The following RFLNA variants were observed in gnomAD, a reference collection of about 807,000 sequenced individuals.
The protein encoded by RFLNA is refilin-A.
A neutral mutation model predicts 7.8 loss-of-function variants in RFLNA; 5 were observed. That is an observed-to-expected ratio of 0.64 (90% CI 0.34 to 1.35). RFLNA has a LOEUF of 1.35. Among genes scored for constraint, RFLNA ranks in the 40% most tolerant of loss-of-function variants. The pLI, the probability that RFLNA is intolerant of heterozygous loss-of-function variation, is 0.04. For synonymous variants in RFLNA, 141 were observed against 131.3 expected (o/e 1.07, Z -0.50); for missense variants, 278 against 305.5 (o/e 0.91, Z 0.67).
chr12:124,309,813 C>T (rs371641281), intron 1 of RFLNA, among the ~76,000 whole-genome samples: 35 of 152,268 alleles, frequency 2.3e-4, no homozygotes, highest in East Asian at 7.7e-4. Flanking sequence ...GTGTTCCCAA[C>T]GGGTTGGCGG....
intron 1 of RFLNA, 184 bp from the exon 2 acceptor site, chr12:124,311,634 T>C: frequency 3.9e-6 from 2 of 514,260 alleles, no homozygotes; most frequent in Non-Finnish European, 3.4e-6. Flanking sequence ...CTGGATCCCA[T>C]GGAGGGCGTC....
At chr12:124,304,657 C>G (rs1265152518) in intron 1 of RFLNA, among the ~76,000 whole-genome samples, 3 of 152,216 alleles carry the variant, frequency 2.0e-5, no homozygotes, top group Non-Finnish European at 4.4e-5. Context: ...CCTCCCTGCT[C>G]GATGGGTGAG....
upstream of RFLNA, among the ~76,000 whole-genome samples, chr12:124,290,403 T>C (rs1357919880): frequency 1.3e-5 from 2 of 152,214 alleles, no homozygotes; most frequent in African/African-American, 4.8e-5. This position sits in a 1 kb window ranked among gnomAD's most constrained non-coding sequence, Gnocchi z 4.0. Context: ...TGTGTTTACC[T>C]GTGTATATGT....
chr12:124,310,051 T>C (rs1308534524), intron 1 of RFLNA, among the ~76,000 whole-genome samples: 2 of 151,272 alleles, frequency 1.3e-5, no homozygotes, highest in African/African-American at 4.9e-5. Context: ...CATGCACCTG[T>C]AGTGCCAGCT....
chr12:124,305,583 C>T (rs992457591), intron 1 of RFLNA, among the ~76,000 whole-genome samples: 3 of 152,216 alleles, frequency 2.0e-5, no homozygotes, highest in Non-Finnish European at 2.9e-5. Flanking sequence ...CATTCCTGTG[C>T]CTGTTCTGGC....
intron 1 of RFLNA, among the ~76,000 whole-genome samples, chr12:124,307,826 C>G (rs2034162861): frequency 6.6e-6 from 1 of 152,160 alleles, no homozygotes; most frequent in African/African-American, 2.4e-5. Context: ...GGCCAGAGTT[C>G]CAATCGAGGT....
chr12:124,295,528 C>T lies in RFLNA; in HGVS notation c.99C>T (p.Ser33=). 7.9e-7 allele frequency: 1 copy of T among 1,261,598 alleles called. No homozygotes were observed. Among genetic ancestry groups the T allele is most frequent in the Non-Finnish European group, 1.0e-6 (1 of 1,004,674 alleles). The allele number at this position is 1,261,598 out of a possible 1,614,324, so 78.2% of individuals were successfully genotyped here. The change falls in exon 1 of 3, where the codon AGC becomes AGT. Residue 33 remains serine (S), a synonymous_variant. Transcript: ENST00000546355. The part of the protein sequence containing the change: ...LDSPDSGLPP[S]PSPSPPFYSL... Reference sequence around the variant, plus strand: ...GCCCCGACTCCGGGCTGCCCCCCAGCCCCAGCCCCAGCCCGCCCTTCTACT... The same window carrying T: ...GCCCCGACTCCGGGCTGCCCCCCAGTCCCAGCCCCAGCCCGCCCTTCTACT...
intron 1 of RFLNA, among the ~76,000 whole-genome samples, chr12:124,303,596 A>G (rs1434323796): frequency 6.6e-6 from 1 of 152,150 alleles, no homozygotes; most frequent in Non-Finnish European, 1.5e-5. Context: ...GTGCCCGAGA[A>G]GCACTTGTTC....
chr12:124,304,153 G>A (rs1222861817), intron 1 of RFLNA, among the ~76,000 whole-genome samples: 2 of 152,244 alleles, frequency 1.3e-5, no homozygotes, highest in Non-Finnish European at 2.9e-5. Context: ...TTCGATGTTC[G>A]AATAGCCCTG....
chr12:124,308,973 C>T (rs1291658470), intron 1 of RFLNA, among the ~76,000 whole-genome samples: 1 of 152,228 alleles, frequency 6.6e-6, no homozygotes, highest in Non-Finnish European at 1.5e-5. Context: ...TGAGGAATGG[C>T]GTTTTTCAAC....
chr12:124,299,382 G>A (rs1035648148), intron 1 of RFLNA, among the ~76,000 whole-genome samples: 5 of 152,166 alleles, frequency 3.3e-5, no homozygotes, highest in Admixed American at 2.6e-4. Flanking sequence ...ATAGGTTTTG[G>A]GGGAACAGGT....
At chr12:124,311,696 C>A in intron 1 of RFLNA, 122 bp from the exon 2 acceptor site, 1 of 956,680 alleles carries the variant, frequency 1.0e-6, no homozygotes, top group Non-Finnish European at 1.5e-6. Flanking sequence ...ATGGGCCCCA[C>A]CAAGCAGCTT....
intron 1 of RFLNA, among the ~76,000 whole-genome samples, chr12:124,296,128 C>CTTTCTTTCTTT (rs1593024627): frequency 3.2e-4 from 1 of 3,154 alleles, no homozygotes; most frequent in African/African-American, 4.1e-4. Context: ...TTCTTTCTCT[C>CTTTCTTTCTTT]TCTCTCTCTC....
At chr12:124,308,350 A>G (rs1448136068) in intron 1 of RFLNA, among the ~76,000 whole-genome samples, 1 of 152,112 alleles carries the variant, frequency 6.6e-6, no homozygotes, top group African/African-American at 2.4e-5. Context: ...AGATGGCCTC[A>G]TCTCAGGAGC....
rs150991901 is a variant in RFLNA at position 124,314,367 on chromosome 12, C to T, written c.493C>T (p.Arg165Cys). Reference sequence around the variant, plus strand: ...GCCACGCCCGCGCGCCCTGCGCTTCCGCAGCACCACCATCATCTTCCCCAA... The same window carrying T: ...GCCACGCCCGCGCGCCCTGCGCTTCTGCAGCACCACCATCATCTTCCCCAA... ...LEPRPRALRF[R>C]STTIIFPKHA... is the part of the protein sequence containing the mutation. Residue 165 changes from arginine (R) to cysteine (C), a missense_variant, in exon 3 of 3, where the codon CGC becomes TGC. Physicochemically the swap from Arg to Cys is radical, Grantham distance 180. Transcript: ENST00000546355. 1.9e-5 allele frequency: 30 copies of T among 1,612,684 alleles called. No individual in the cohort carries two copies. Among genetic ancestry groups the T allele is most frequent in the African/African-American group, 4.0e-5 (3 of 74,930 alleles).
intron 1 of RFLNA, among the ~76,000 whole-genome samples, chr12:124,302,420 T>C (rs770197308): frequency 6.6e-6 from 1 of 152,130 alleles, no homozygotes; most frequent in Non-Finnish European, 1.5e-5. Context: ...CCTTGATAGT[T>C]CATGGCTCTC....
At chr12:124,293,778 G>C (rs553229044), upstream of RFLNA, among the ~76,000 whole-genome samples, 1 of 152,280 alleles carries the variant, frequency 6.6e-6, no homozygotes, top group East Asian at 1.9e-4. Flanking sequence ...TCAGTGTCCG[G>C]CATGCACCTT....
At position 124,314,803 on chromosome 12, in the gene RFLNA, T is replaced by C; in HGVS notation, c.*278T>C. 1.5e-6 allele frequency: 1 copy of C among 647,438 alleles called. No homozygotes were observed. The highest frequency in any genetic ancestry group is 2.8e-6 in the Non-Finnish European group (1 of 351,208). The allele number at this position is 647,438 out of a possible 1,614,324, so 40.1% of individuals were successfully genotyped here. A position where few individuals can be genotyped will look rare whatever the true frequency, so the allele number is the denominator to read the frequency against. Reference sequence around the variant, plus strand: ...GGTAGGGGCATGCACTGTTAGGTGGTGGCCACCCCCAGGGTCAGGGGAAAA... The same window carrying C: ...GGTAGGGGCATGCACTGTTAGGTGGCGGCCACCCCCAGGGTCAGGGGAAAA... On this transcript the variant is annotated 3_prime_UTR_variant, in exon 3 of 3. Coordinates refer to ENST00000546355, the MANE Select transcript of RFLNA (RefSeq NM_001365156.1).
At position 124,314,649 on chromosome 12, in the gene RFLNA, A is replaced by C. The variant is rs1423260213; in HGVS notation, c.*124A>C. ...GGCGGGAAGGGAGGCTGCCAGACCA[A>C]GGACCCGTGTGGAAGGAGGCGGCTC... On this transcript the variant is annotated 3_prime_UTR_variant, in exon 3 of 3. Coordinates refer to ENST00000546355, the MANE Select transcript of RFLNA (RefSeq NM_001365156.1). The C allele has an allele frequency of 2.0e-6, 3 of 1,482,146 alleles. No homozygotes were observed. Among genetic ancestry groups the C allele is most frequent in the Admixed American group, 3.9e-5 (2 of 50,900 alleles). The allele number at this position is 1,482,146 out of a possible 1,614,324, so 91.8% of individuals were successfully genotyped here.
Sources: gnomAD v4.1 joint callset for allele counts (sites outside exome capture counted in the v4.1 genomes callset) on GRCh38, gnomAD v4.1.1 for gene constraint, Gnocchi (gnomAD v3.1) non-coding constraint, MANE v1.5 for transcripts, NCBI Gene and HGNC (gene_info 2026-07-23, HGNC 2026-07-21) for gene names.